The following SSBP2 variants were observed in gnomAD, a reference collection of about 807,000 sequenced individuals.
The protein encoded by SSBP2 is single-stranded DNA-binding protein 2.
A neutral mutation model predicts 61.8 loss-of-function variants in SSBP2; 17 were observed. That is an observed-to-expected ratio of 0.28 (90% CI 0.19 to 0.41). SSBP2 has a LOEUF of 0.41. Ranked by LOEUF, SSBP2 falls within the 10% of genes least tolerant of loss-of-function variation. The probability of loss-of-function intolerance (pLI) is 1.00; values close to 1 mark genes in which losing one functional copy is unlikely to be tolerated. For synonymous variants in SSBP2, 139 were observed against 141.3 expected, an observed-to-expected ratio of 0.98 and a Z score of 0.12; for missense variants, 310 against 458.7, an observed-to-expected ratio of 0.68 and a Z score of 2.96.
At chr5:81,668,744 A>T (rs1751365630) in intron 1 of SSBP2, among the ~76,000 whole-genome samples, 1 of 152,128 alleles carries the variant, frequency 6.6e-6, no homozygotes, top group South Asian at 2.1e-4. Context: ...TGGAATATTC[A>T]TTTGAAATTA....
intron 1 of SSBP2, among the ~76,000 whole-genome samples, chr5:81,697,163 G>T (rs1285940295): frequency 6.6e-6 from 1 of 152,266 alleles, no homozygotes; most frequent in East Asian, 1.9e-4. Context: ...TCAAAAATTC[G>T]GCTGTCCAGT....
chr5:81,738,390 A>G (rs187835724), intron 1 of SSBP2, among the ~76,000 whole-genome samples: 97 of 152,304 alleles, frequency 6.4e-4, no homozygotes, highest in African/African-American at 2.1e-3. Context: ...TGTGTACTTC[A>G]GCTAAATTAC....
intron 4 of SSBP2, among the ~76,000 whole-genome samples, chr5:81,516,309 T>G (rs2154087330): frequency 6.6e-6 from 1 of 152,224 alleles, no homozygotes; most frequent in South Asian, 2.1e-4. Flanking sequence ...TCTTTCTTAA[T>G]ATTCATACTT....
intron 2 of SSBP2, among the ~76,000 whole-genome samples, chr5:81,639,134 C>G (rs192506131): frequency 5.3e-5 from 8 of 152,274 alleles, no homozygotes; most frequent in Non-Finnish European, 1.2e-4. Context: ...AATATTTTGA[C>G]TTCAAATTAT....
intron 4 of SSBP2, among the ~76,000 whole-genome samples, chr5:81,593,540 C>T (rs1743350698): frequency 6.6e-6 from 1 of 152,200 alleles, no homozygotes; most frequent in African/African-American, 2.4e-5. Context: ...ACATCACTGT[C>T]AGATTCACCA....
At chr5:81,525,248 A>C (rs1407540586) in intron 4 of SSBP2, among the ~76,000 whole-genome samples, 1 of 151,880 alleles carries the variant, frequency 6.6e-6, no homozygotes, top group Admixed American at 6.6e-5. Flanking sequence ...TTCATGTCAC[A>C]GGGGTTTGTT....
intron 1 of SSBP2, among the ~76,000 whole-genome samples, chr5:81,682,672 A>G (rs1161205937): frequency 2.0e-5 from 3 of 152,166 alleles, no homozygotes; most frequent in Non-Finnish European, 2.9e-5. Flanking sequence ...ATCACCTGAC[A>G]CAATAAAACA....
In SSBP2 at chr5:81,498,237, C is replaced by T. The variant is rs575006036; in HGVS notation, c.373-8928G>A. ...AACCTGTAAGAAAATGGTTATTTGC[C>T]AAAAAGTAATTTTCTTTACTCAACG... is the stretch of plus-strand genomic sequence containing the variant. On this transcript the variant is annotated intron_variant, in intron 5 of 16. Coordinates refer to ENST00000320672, the MANE Select transcript of SSBP2 (RefSeq NM_012446.5). Among the ~76,000 whole-genome samples, 1,082 of 151,924 alleles carry T rather than the reference C, an allele frequency of 7.1e-3. 4 individuals are homozygous for T. The highest frequency in any genetic ancestry group is 0.011 in the Non-Finnish European group (718 of 67,864).
chr5:81,489,167 T>C (rs1223157641), intron 6 of SSBP2, 83 bp downstream of exon 6: 1 of 1,258,336 alleles, frequency 7.9e-7, no homozygotes. Context: ...GAGAATTTCA[T>C]ATTTTTACAG....
chr5:81,688,410 T>C (rs1037267445), intron 1 of SSBP2, among the ~76,000 whole-genome samples: 18 of 152,262 alleles, frequency 1.2e-4, no homozygotes, highest in African/African-American at 4.1e-4. Context: ...TATAGAGCCC[T>C]AGGGCCTTGA....
chr5:81,654,121 A>G (rs1359127497), intron 1 of SSBP2, among the ~76,000 whole-genome samples: 1 of 151,736 alleles, frequency 6.6e-6, no homozygotes, highest in Non-Finnish European at 1.5e-5. Flanking sequence ...ACACCACCAC[A>G]TCTGACTAAT....
intron 1 of SSBP2, among the ~76,000 whole-genome samples, chr5:81,724,656 AC>A (rs1169002459): frequency 2.6e-5 from 4 of 152,112 alleles, no homozygotes; most frequent in Non-Finnish European, 4.4e-5. Flanking sequence ...GAAATTACAG[AC>A]CCAAATATAA....
intron 1 of SSBP2, among the ~76,000 whole-genome samples, chr5:81,707,700 A>T (rs1380254304): frequency 6.6e-6 from 1 of 150,888 alleles, no homozygotes; most frequent in Admixed American, 6.7e-5. Flanking sequence ...AGTGGCTGTA[A>T]GGGAAACACA....
intron 4 of SSBP2, among the ~76,000 whole-genome samples, chr5:81,554,282 A>C (rs1361950500): frequency 6.6e-6 from 1 of 152,042 alleles, no homozygotes; most frequent in African/African-American, 2.4e-5. Flanking sequence ...AAATTCTGTA[A>C]CATAATGGAT....
intron 16 of SSBP2, among the ~76,000 whole-genome samples, chr5:81,426,391 A>G (rs1241596616): frequency 6.6e-6 from 1 of 152,208 alleles, no homozygotes; most frequent in Non-Finnish European, 1.5e-5. Flanking sequence ...TCAGTCCACC[A>G]TCAAATTATT....
At chr5:81,580,235 C>A (rs999849968) in intron 4 of SSBP2, among the ~76,000 whole-genome samples, 4 of 152,030 alleles carry the variant, frequency 2.6e-5, no homozygotes, top group Admixed American at 2.6e-4. Flanking sequence ...AAATTATTAA[C>A]TACTGTTCAA....
chr5:81,574,254 AT>A (rs1434091196), intron 4 of SSBP2, among the ~76,000 whole-genome samples: 2 of 152,156 alleles, frequency 1.3e-5, no homozygotes, highest in African/African-American at 2.4e-5. Flanking sequence ...TTAAATTGAA[AT>A]TTTAGGACTA....
intron 1 of SSBP2, among the ~76,000 whole-genome samples, chr5:81,680,582 T>C (rs556151802): frequency 2.0e-5 from 3 of 152,142 alleles, no homozygotes; most frequent in Non-Finnish European, 2.9e-5. Context: ...AGATATACCA[T>C]GCTAATGCCA....
chr5:81,441,145 G>A (rs1763006856), intron 13 of SSBP2, among the ~76,000 whole-genome samples: 1 of 152,190 alleles, frequency 6.6e-6, no homozygotes. Flanking sequence ...ATTCCTTGGG[G>A]ATGGCTGAAT....
Sources: allele counts gnomAD v4.1 joint callset (sites outside exome capture counted in the v4.1 genomes callset), GRCh38; gene constraint gnomAD v4.1.1; transcripts MANE v1.5; gene names NCBI Gene and HGNC (gene_info 2026-07-23, HGNC 2026-07-21).